Variants in OPCML observed in about 807,000 individuals in gnomAD.
OPCML encodes the protein opioid binding protein/cell adhesion molecule like.
A neutral mutation model predicts 37.8 loss-of-function variants in OPCML; 13 were observed. That is an observed-to-expected ratio of 0.34 (90% CI 0.22 to 0.55). The LOEUF is 0.55. Ranked by LOEUF, OPCML falls within the 20% of genes least tolerant of loss-of-function variation. The probability of loss-of-function intolerance (pLI) is 0.91; values close to 1 mark genes in which losing one functional copy is unlikely to be tolerated. For synonymous variants in OPCML, 176 were observed against 168.8 expected (o/e 1.04, Z -0.33); for missense variants, 341 against 435.6 (o/e 0.78, Z 1.93).
intron 1 of OPCML, among the ~76,000 whole-genome samples, chr11:133,228,554 C>A (rs1476613367): frequency 6.6e-6 from 1 of 152,244 alleles, no homozygotes; most frequent in African/African-American, 2.4e-5. Flanking sequence ...TGCTCAACAG[C>A]GCCAAAGCGT....
At chr11:133,243,821 C>A (rs1387659983) in intron 1 of OPCML, among the ~76,000 whole-genome samples, 2 of 152,216 alleles carry the variant, frequency 1.3e-5, no homozygotes, top group East Asian at 3.9e-4. Flanking sequence ...GTCGGAAAAG[C>A]AACTGCTGCA....
At chr11:133,253,794 TTC>T (rs1163666585) in intron 1 of OPCML, among the ~76,000 whole-genome samples, 1 of 143,072 alleles carries the variant, frequency 7.0e-6, no homozygotes, top group African/African-American at 2.5e-5. Flanking sequence ...AGCATAAAGT[TTC>T]TTTTTTCCTT....
chr11:132,852,311 T>C (rs564232092), intron 2 of OPCML, among the ~76,000 whole-genome samples: 5 of 152,288 alleles, frequency 3.3e-5, no homozygotes, highest in African/African-American at 1.2e-4. Flanking sequence ...TGATCTCATT[T>C]ATGTCAGTAC....
At chr11:132,962,296 G>C (rs1018505301) in intron 1 of OPCML, among the ~76,000 whole-genome samples, 4 of 152,174 alleles carry the variant, frequency 2.6e-5, no homozygotes, top group Non-Finnish European at 4.4e-5. Context: ...AATTATCTCA[G>C]CCAATCCCGG....
At chr11:133,033,219 A>G (rs1947706296) in intron 1 of OPCML, among the ~76,000 whole-genome samples, 1 of 152,202 alleles carries the variant, frequency 6.6e-6, no homozygotes, top group Admixed American at 6.5e-5. Flanking sequence ...AGATTCACAC[A>G]AGGCATTCTA....
chr11:133,049,196 A>G (rs1333444356), intron 1 of OPCML, among the ~76,000 whole-genome samples: 1 of 152,214 alleles, frequency 6.6e-6, no homozygotes, highest in African/African-American at 2.4e-5. Flanking sequence ...TTCCAAGACT[A>G]TTAATTACAT....
At chr11:132,940,117 G>A (rs1304660077) in intron 2 of OPCML, among the ~76,000 whole-genome samples, 2 of 152,198 alleles carry the variant, frequency 1.3e-5, no homozygotes, top group African/African-American at 4.8e-5. Flanking sequence ...CTTTGGCACA[G>A]CACTTCCTAA....
chr11:132,712,801 G>A (rs1944321336), intron 2 of OPCML, among the ~76,000 whole-genome samples: 1 of 152,164 alleles, frequency 6.6e-6, no homozygotes. Flanking sequence ...GCAGCCTGGT[G>A]GTCAGGGAAG....
chr11:133,118,116 A>T, intron 1 of OPCML: 2 of 669,244 alleles, frequency 3.0e-6, no homozygotes, highest in Non-Finnish European at 3.7e-6. Flanking sequence ...GCAAACTGTG[A>T]CTCAGGTGAA....
chr11:133,392,017 T>C (rs1206742266), intron 1 of OPCML, among the ~76,000 whole-genome samples: 1 of 152,066 alleles, frequency 6.6e-6, no homozygotes, highest in African/African-American at 2.4e-5. Flanking sequence ...GGAAAAAAAA[T>C]TAAAGACTAT....
At chr11:132,758,461 CCT>C (rs1946140488) in intron 2 of OPCML, among the ~76,000 whole-genome samples, 1 of 151,784 alleles carries the variant, frequency 6.6e-6, no homozygotes, top group African/African-American at 2.4e-5. Context: ...CCGTTTGTGT[CCT>C]CTCTTATTTC....
chr11:132,561,756 A>G (rs149441993), intron 3 of OPCML, among the ~76,000 whole-genome samples: 345 of 152,370 alleles, frequency 2.3e-3, no homozygotes, highest in African/African-American at 7.6e-3. Context: ...ACTGTTAAAC[A>G]TCACTTGTAA....
At chr11:132,737,304 C>T (rs1031648499) in intron 2 of OPCML, among the ~76,000 whole-genome samples, 7 of 151,994 alleles carry the variant, frequency 4.6e-5, no homozygotes, top group Non-Finnish European at 1.0e-4. Context: ...TTTTTTGTCC[C>T]GTAGTACTTA....
intron 1 of OPCML, among the ~76,000 whole-genome samples, chr11:132,960,386 T>C (rs1401863724): frequency 6.6e-6 from 1 of 152,074 alleles, no homozygotes; most frequent in Non-Finnish European, 1.5e-5. Flanking sequence ...ATCCCACGTG[T>C]GTAAAAAGCA....
intron 1 of OPCML, among the ~76,000 whole-genome samples, chr11:133,034,156 C>G (rs1194069334): frequency 6.6e-6 from 1 of 152,132 alleles, no homozygotes; most frequent in African/African-American, 2.4e-5. Context: ...GGTAAGCTGG[C>G]TCTGGGCAGC....
At chr11:132,909,882 T>C (rs1247715331) in intron 2 of OPCML, among the ~76,000 whole-genome samples, 1 of 152,256 alleles carries the variant, frequency 6.6e-6, no homozygotes, top group Non-Finnish European at 1.5e-5. Flanking sequence ...ATGACTGTTT[T>C]CAGGGTAAAT....
chr11:133,091,238 G>A (rs561562086), intron 1 of OPCML, among the ~76,000 whole-genome samples: 46 of 152,200 alleles, frequency 3.0e-4, no homozygotes, highest in Non-Finnish European at 6.3e-4. Context: ...AGCTGTGAGG[G>A]CATGGATGCT....
chr11:132,463,404 T>C (rs2096109380), intron 4 of OPCML, among the ~76,000 whole-genome samples: 1 of 152,198 alleles, frequency 6.6e-6, no homozygotes. Flanking sequence ...CAGGAAACTC[T>C]AGTGTAGTCC....
chr11:132,727,681 G>C (rs1565813156), intron 2 of OPCML, among the ~76,000 whole-genome samples: 1 of 152,166 alleles, frequency 6.6e-6, no homozygotes, highest in African/African-American at 2.4e-5. Context: ...CTAGGCATTG[G>C]GATTTTTAAA....
Sources: allele counts gnomAD v4.1 joint callset (sites outside exome capture counted in the v4.1 genomes callset), GRCh38; gene constraint gnomAD v4.1.1; transcripts MANE v1.5; gene names NCBI Gene and HGNC (gene_info 2026-07-23, HGNC 2026-07-21).